The following GCNT1 variants were observed in gnomAD, a reference collection of about 807,000 sequenced individuals.
GCNT1 encodes beta-1,3-galactosyl-O-glycosyl-glycoprotein beta-1,6-N-acetylglucosaminyltransferase.
A neutral mutation model predicts 26.2 loss-of-function variants in GCNT1; 16 were observed. That is an observed-to-expected ratio of 0.61 (90% CI 0.41 to 0.93). The LOEUF (loss-of-function observed/expected upper bound fraction) is 0.93, where lower values mean the gene tolerates loss of function less well. Among genes scored for constraint, GCNT1 ranks in the 40% least tolerant of loss-of-function variants. The pLI is 0.00. For missense variants in GCNT1, 477 were observed against 526.7 expected (o/e 0.91, Z 0.92); for synonymous variants, 183 against 190.8 (o/e 0.96, Z 0.34).
intron 1 of GCNT1, among the ~76,000 whole-genome samples, chr9:76,445,843 C>T (rs536852686): frequency 1.0e-5 from 1 of 97,824 alleles, no homozygotes; most frequent in South Asian, 3.2e-4. Flanking sequence ...ATTAGCCAGA[C>T]ATGGTGGTGT....
At chr9:76,501,215 G>A (rs867114158) in intron 3 of GCNT1, among the ~76,000 whole-genome samples, 154 bp downstream of exon 3, 1 of 152,112 alleles carries the variant, frequency 6.6e-6, no homozygotes, top group Admixed American at 6.5e-5. Flanking sequence ...TAGAAATCTT[G>A]TTATGAACAG....
At chr9:76,402,090 T>C in the GCNT1 span, among the ~76,000 whole-genome samples, 1 of 152,312 alleles carries the variant, frequency 6.6e-6, no homozygotes, top group South Asian at 2.1e-4. Flanking sequence ...CTTCAGTGGT[T>C]AACTTTTGTC....
At chr9:76,469,207 A>G (rs1348803304) in intron 2 of GCNT1, among the ~76,000 whole-genome samples, 1 of 152,204 alleles carries the variant, frequency 6.6e-6, no homozygotes, top group East Asian at 1.9e-4. Context: ...GAATTATGAT[A>G]CATGTAATTT....
rs537323044 is a variant in GCNT1, at chr9:76,503,769, C to T, written c.*101C>T. 137 of 931,378 alleles carry T rather than the reference C, an allele frequency of 1.5e-4. No homozygotes were observed. In the African/African-American group the frequency reaches 1.8e-3, roughly 12 times the overall value. The allele number at this position is 931,378 out of a possible 1,614,324, so 57.7% of individuals were successfully genotyped here. On this transcript the variant is annotated 3_prime_UTR_variant, in exon 4 of 4. Transcript: ENST00000376730. ...CATCGGGAAGATGGTATGAAGTCCT[C>T]TTTGGGGCAGGGACTCTAGTAGATC...
chr9:76,427,460 G>C (rs1405863117), intron 1 of GCNT1, among the ~76,000 whole-genome samples: 1 of 152,090 alleles, frequency 6.6e-6, no homozygotes, highest in Non-Finnish European at 1.5e-5. Flanking sequence ...TATTACAGGC[G>C]TGAGCCATCA....
intron 1 of GCNT1, among the ~76,000 whole-genome samples, chr9:76,436,149 A>G (rs1245145623): frequency 1.3e-5 from 2 of 151,472 alleles, no homozygotes; most frequent in Non-Finnish European, 1.5e-5. Flanking sequence ...ATGGGGTTTC[A>G]CCATGTTGCC....
At chr9:76,454,440 G>A (rs1472331731), upstream of GCNT1, among the ~76,000 whole-genome samples, 1 of 148,144 alleles carries the variant, frequency 6.8e-6, no homozygotes, top group East Asian at 2.0e-4. Flanking sequence ...AGTGGGATGA[G>A]CAGGTGGCCC....
chr9:76,401,775 A>T, the GCNT1 span, among the ~76,000 whole-genome samples: 1 of 152,290 alleles, frequency 6.6e-6, no homozygotes, highest in African/African-American at 2.4e-5. Context: ...CACTGCTATA[A>T]TCCCAGCACT....
the GCNT1 span, among the ~76,000 whole-genome samples, chr9:76,403,955 T>G: frequency 6.6e-6 from 1 of 152,208 alleles, no homozygotes; most frequent in Non-Finnish European, 1.5e-5. Flanking sequence ...AGGAAAACTT[T>G]CTAGGACACT....
At chr9:76,461,489 CGGAGAATTGCTTGAACCCG>C (rs1564231691) in intron 2 of GCNT1, among the ~76,000 whole-genome samples, 3 of 151,204 alleles carry the variant, frequency 2.0e-5, no homozygotes. Context: ...GAGGCTGAGA[CGGAGAATTGCTTGAACCCG>C]GGAGGCGGAG....
chr9:76,448,715 A>G (rs1198339124), intron 1 of GCNT1, among the ~76,000 whole-genome samples: 1 of 152,208 alleles, frequency 6.6e-6, no homozygotes, highest in East Asian at 1.9e-4. Flanking sequence ...CATGAATCAA[A>G]CGGTCTGTAC....
At chr9:76,409,705 C>T in the GCNT1 span, among the ~76,000 whole-genome samples, 1 of 152,148 alleles carries the variant, frequency 6.6e-6, no homozygotes, top group Non-Finnish European at 1.5e-5. Flanking sequence ...CTCGACCTCC[C>T]AAAGTGCTGG....
At chr9:76,477,518 T>G (rs1587437875) in intron 2 of GCNT1, among the ~76,000 whole-genome samples, 1 of 57,588 alleles carries the variant, frequency 1.7e-5, no homozygotes, top group African/African-American at 3.7e-5. Flanking sequence ...AGAGTGAGAC[T>G]CTGTCTCCAA....
intron 2 of GCNT1, among the ~76,000 whole-genome samples, chr9:76,463,180 C>CG (rs567042604): frequency 3.3e-5 from 5 of 152,150 alleles, no homozygotes; most frequent in Non-Finnish European, 7.4e-5. Context: ...GAGGATGCCT[C>CG]CTTAGCTGGG....
At chr9:76,458,284 G>A (rs545092875), upstream of GCNT1, among the ~76,000 whole-genome samples, 805 of 141,354 alleles carry the variant, frequency 5.7e-3, 2 homozygotes, top group Admixed American at 8.5e-3. Context: ...CCGGGTTCAC[G>A]CCATTCTCCT....
Position 76,503,196 on chromosome 9 carries a change from T to C in GCNT1, c.815T>C (p.Val272Ala), listed in dbSNP as rs758903174. ...VNGKLTNTGT[V>A]KMLPPLETPL... ...GGAAAGCTGACAAACACAGGGACTGTCAAAATGCTTCCTCCACTCGAAACA... is the reference window on the plus strand; with the variant it reads ...GGAAAGCTGACAAACACAGGGACTGCCAAAATGCTTCCTCCACTCGAAACA... Residue 272 changes from valine to alanine, a missense_variant, in exon 4 of 4, where the codon GTC (valine) becomes GCC (alanine). Coordinates refer to ENST00000376730, the MANE Select transcript of GCNT1 (RefSeq NM_001490.5). The C allele has an allele frequency of 9.3e-6, 15 of 1,613,978 alleles. No homozygotes were observed. The highest frequency in any genetic ancestry group is 1.2e-5 in the Non-Finnish European group (14 of 1,180,012).
rs1250238280 is a variant in GCNT1 at position 76,486,003 on chromosome 9, A to AT, written c.-289-14911dup. Among the ~76,000 whole-genome samples the AT allele has an allele frequency of 4.6e-5, 7 of 152,200 alleles. No individual in the cohort carries two copies. In the South Asian group the frequency reaches 1.0e-3, roughly 23 times the overall value. ...TGCCTCGGCCTCCCAAAGTGCTGGG[A>AT]TTATAGGCGTGAGCCACTGTGCCTG... On this transcript the variant is annotated intron_variant, in intron 2 of 3. Coordinates refer to ENST00000376730, the MANE Select transcript of GCNT1 (RefSeq NM_001490.5).
chr9:76,465,487 G>A (rs1290503406), intron 2 of GCNT1, among the ~76,000 whole-genome samples: 1 of 152,190 alleles, frequency 6.6e-6, no homozygotes, highest in Non-Finnish European at 1.5e-5. Context: ...GGTAGGTCCT[G>A]CTGGCACGTT....
chr9:76,503,053 A>C lies in GCNT1; in HGVS notation c.672A>C (p.Lys224Asn), dbSNP rs1825128351. Residue 224 changes from lysine to asparagine, a missense_variant, in exon 4 of 4, where the codon AAA becomes AAC. By Grantham distance (94) the Lys-to-Asn change is moderately conservative (BLOSUM62 0). Coordinates refer to ENST00000376730, the MANE Select transcript of GCNT1 (RefSeq NM_001490.5). ...INLCGMDFPI[K>N]TNLEIVRKLK... Reference sequence around the variant, plus strand: ...TTTGTGGTATGGATTTTCCCATTAAAACCAACCTAGAAATTGTCAGGAAGC... The same window carrying C: ...TTTGTGGTATGGATTTTCCCATTAACACCAACCTAGAAATTGTCAGGAAGC... 1 of 1,614,140 alleles carries C rather than the reference A, an allele frequency of 6.2e-7. No homozygotes were observed. Among genetic ancestry groups the C allele is most frequent in the Admixed American group, 1.7e-5 (1 of 60,012 alleles).
Sources: allele counts gnomAD v4.1 joint callset (sites outside exome capture counted in the v4.1 genomes callset), GRCh38; gene constraint gnomAD v4.1.1; transcripts MANE v1.5; gene names NCBI Gene and HGNC (gene_info 2026-07-23, HGNC 2026-07-21).